Variants in EIF2D observed in about 807,000 individuals in gnomAD.
EIF2D encodes the protein hepatocellular carcinoma-associated antigen 56.
EIF2D carries 56 observed loss-of-function variants against 77.4 expected under a neutral mutation model. The observed-to-expected ratio is 0.72, with a 90% CI of 0.58 to 0.90. The LOEUF (loss-of-function observed/expected upper bound fraction) is 0.90. Among genes scored for constraint, EIF2D ranks in the 40% least tolerant of loss-of-function variants. The probability of loss-of-function intolerance (pLI) is 0.00; values close to 1 mark genes in which losing one functional copy is unlikely to be tolerated. For missense variants in EIF2D, 574 were observed against 706.5 expected (o/e 0.81, Z 2.13); for synonymous variants, 230 against 271.0 (o/e 0.85, Z 1.49).
chr1:206,586,688 G>T (rs923691645), downstream of EIF2D: 1 of 712,314 alleles, frequency 1.4e-6, no homozygotes, highest in Admixed American at 2.3e-5. Context: ...CGCTGATTCA[G>T]TCTGTTCAGT....
At chr1:206,602,297 C>T (rs1553411424) in intron 7 of EIF2D, 39 bp downstream of exon 7, 1 of 1,568,490 alleles carries the variant, frequency 6.4e-7, no homozygotes, top group African/African-American at 1.4e-5. Context: ...ACGTGAGACC[C>T]CGGCCCCGGC....
Position 206,584,946 on chromosome 1 carries a change from A to G in EIF2D, c.139-3784T>C. On this transcript the variant is annotated intron_variant and NMD_transcript_variant, in intron 2 of 5. Coordinates refer to the EIF2D transcript ENST00000472709. The surrounding 1 kb of genome is among the most constrained non-coding windows in gnomAD (Gnocchi z 4.9). ...TGCAATGGGAGGAATCTGCCCCACC[A>G]TTCCTAATCTTTCAGGAGATGATGT... 1 of 605,796 alleles carries G rather than the reference A, an allele frequency of 1.7e-6. No homozygotes were observed. The highest frequency in any genetic ancestry group is 2.9e-6 in the Non-Finnish European group (1 of 342,376). The allele number at this position is 605,796 out of a possible 1,614,324, so 37.5% of individuals were successfully genotyped here. A position where few individuals can be genotyped will look rare whatever the true frequency, so the allele number is the denominator to read the frequency against.
chr1:206,593,078 T>G (rs1164798494), intron 14 of EIF2D, among the ~76,000 whole-genome samples: 1 of 150,862 alleles, frequency 6.6e-6, no homozygotes, highest in African/African-American at 2.5e-5. Flanking sequence ...GCCACTGCAC[T>G]CCAGCCTGGG....
At chr1:206,582,045 C>T (rs910215501) in intron 2 of EIF2D, among the ~76,000 whole-genome samples, 9 of 152,174 alleles carry the variant, frequency 5.9e-5, no homozygotes, top group Admixed American at 1.3e-4. Flanking sequence ...CCTGATCCAC[C>T]CCAAGTCTGC....
downstream of EIF2D, among the ~76,000 whole-genome samples, chr1:206,590,209 G>A (rs565461760): frequency 2.6e-5 from 4 of 152,240 alleles, no homozygotes; most frequent in South Asian, 2.1e-4. Context: ...CACCGTTACT[G>A]GAAAAACCAC....
chr1:206,609,651 T>A (rs1670374348), intron 2 of EIF2D, among the ~76,000 whole-genome samples, 192 bp from the exon 3 acceptor site: 2 of 152,078 alleles, frequency 1.3e-5, no homozygotes. Context: ...AGAAACTGAG[T>A]GTCACTTGAG....
At chr1:206,577,563 A>G (rs1368201200) in intron 4 of EIF2D, among the ~76,000 whole-genome samples, 3 of 152,234 alleles carry the variant, frequency 2.0e-5, no homozygotes, top group African/African-American at 7.2e-5. Flanking sequence ...GTAGTTAGTC[A>G]TGGGAGTCAG....
Position 206,603,061 on chromosome 1 carries a change from T to C in EIF2D, c.674A>G (p.Glu225Gly), listed in dbSNP as rs370926484. 1.2e-6 allele frequency: 2 copies of C among 1,614,136 alleles called. No homozygotes were observed. Among genetic ancestry groups the C allele is most frequent in the Non-Finnish European group, 1.7e-6 (2 of 1,180,024 alleles). ...ACGTGCCTGGTGAACCTCCCCATTC[T>C]CCTCTTCCCCCTCCAGGGTCATGTG... is the stretch of plus-strand genomic sequence containing the variant. The part of the protein sequence containing the change: ...MRHMTLEGEE[E>G]NGEVHQARED... The change falls in exon 6 of 15, where the codon GAG becomes GGG. Residue 225 changes from glutamate (E) to glycine (G), a missense_variant. Transcript: ENST00000271764.
rs143139119 is a variant in EIF2D, at chr1:206,597,710, C to T, written c.1293-515G>A. Among the ~76,000 whole-genome samples, 1,050 of 152,046 alleles carry T rather than the reference C, an allele frequency of 6.9e-3. 10 individuals carry two copies. The highest frequency in any genetic ancestry group is 0.024 in the African/African-American group (1,000 of 41,464). On this transcript the variant is annotated intron_variant, in intron 11 of 14. Transcript: ENST00000271764. ...CTGTAATCCCAGCACTTTGGGACGC[C>T]GAGATGGGTGGATCACTTGAGGTCA...
rs1669657416 is a variant in EIF2D at position 206,596,576 on chromosome 1, T to A, written c.1388+524A>T. Among the ~76,000 whole-genome samples, 3 of 152,346 alleles carry A rather than the reference T, an allele frequency of 2.0e-5. No individual in the cohort carries two copies. In the East Asian group the frequency reaches 5.8e-4, roughly 29 times the overall value. ...TGTGGAAAAGAAGGAATATTAAAAA[T>A]TTTTCCTTTAAAGACTTTAAGACAC... On this transcript the variant is annotated intron_variant, in intron 12 of 14. Coordinates refer to ENST00000271764, the MANE Select transcript of EIF2D (RefSeq NM_006893.3).
chr1:206,584,545 C>G lies in EIF2D; in HGVS notation c.139-3383G>C. On this transcript the variant is annotated intron_variant and NMD_transcript_variant, in intron 2 of 5. Transcript: ENST00000472709. This position sits in a 1 kb window ranked among gnomAD's most constrained non-coding sequence, Gnocchi z 4.9. ...ACAAGCGGACATCCTTCTACCTGCC[C>G]CTAGATGCCATCAAGCAGCTGCACA... The G allele has an allele frequency of 6.2e-7, 1 of 1,614,126 alleles. No individual in the cohort carries two copies. The highest frequency in any genetic ancestry group is 8.5e-7 in the Non-Finnish European group (1 of 1,180,010).
At chr1:206,581,590 C>T (rs887496026) in intron 2 of EIF2D, among the ~76,000 whole-genome samples, 2 of 139,328 alleles carry the variant, frequency 1.4e-5, no homozygotes, top group East Asian at 2.1e-4. Flanking sequence ...CAGAGGGAGA[C>T]GAAAGAAAAG....
intron 4 of EIF2D, among the ~76,000 whole-genome samples, chr1:206,576,080 A>G (rs1316629008): frequency 5.9e-5 from 9 of 152,262 alleles, no homozygotes; most frequent in African/African-American, 2.2e-4. Context: ...AAGCTTAGGC[A>G]CCAAACTAAT....
At chr1:206,591,930 T>C (rs534289748) in intron 14 of EIF2D, 85 bp from the exon 15 acceptor site, 5 of 1,317,272 alleles carry the variant, frequency 3.8e-6, no homozygotes, top group African/African-American at 2.9e-5. Context: ...TGCCTCACAA[T>C]GTCATTCCAC....
At position 206,579,400 on chromosome 1, in the gene EIF2D, C is replaced by T. The variant is rs548146687; in HGVS notation, c.*254+1292G>A. 2.1e-3 allele frequency among the ~76,000 whole-genome samples: 319 copies of T among 152,304 alleles called. 1 individual carries two copies. Among genetic ancestry groups the T allele is most frequent in the African/African-American group, 6.8e-3 (284 of 41,570 alleles). ...GTCTGCTTGGTTTCTCGCTTTGTACCCGTGGACAGATCCTTAAGAATCTGG... is the reference window on the plus strand; with the variant it reads ...GTCTGCTTGGTTTCTCGCTTTGTACTCGTGGACAGATCCTTAAGAATCTGG... On this transcript the variant is annotated intron_variant and NMD_transcript_variant, in intron 4 of 5. Transcript: ENST00000472709. This position sits in a 1 kb window ranked among gnomAD's most constrained non-coding sequence, Gnocchi z 4.2.
At chr1:206,608,976 T>C (rs921225925) in intron 3 of EIF2D, among the ~76,000 whole-genome samples, 31 of 151,802 alleles carry the variant, frequency 2.0e-4, no homozygotes, top group Middle Eastern at 3.4e-3. Flanking sequence ...CACTTGAACC[T>C]GGGAGGCAGA....
chr1:206,577,471 G>C (rs1668696574), intron 4 of EIF2D, among the ~76,000 whole-genome samples: 1 of 152,204 alleles, frequency 6.6e-6, no homozygotes, highest in Non-Finnish European at 1.5e-5. Flanking sequence ...CATCAATCCT[G>C]TGAGACAATA....
At chr1:206,602,524 C>G in intron 6 of EIF2D, 71 bp from the exon 7 acceptor site, 1 of 1,334,840 alleles carries the variant, frequency 7.5e-7, no homozygotes, top group Non-Finnish European at 1.1e-6. Context: ...AAACGACCCC[C>G]AGCTTCATCC....
chr1:206,569,902 G>A (rs73080955), downstream of EIF2D, among the ~76,000 whole-genome samples: 862 of 152,212 alleles, frequency 5.7e-3, 11 homozygotes, highest in African/African-American at 0.019. Flanking sequence ...AGGGCTTGGC[G>A]TGATGGAGGC....
Sources: gnomAD v4.1 joint callset for allele counts (sites outside exome capture counted in the v4.1 genomes callset) on GRCh38, gnomAD v4.1.1 for gene constraint, Gnocchi (gnomAD v3.1) non-coding constraint, MANE v1.5 for transcripts, NCBI Gene and HGNC (gene_info 2026-07-23, HGNC 2026-07-21) for gene names.